Variants in ARHGAP22 observed in about 807,000 individuals in gnomAD.
ARHGAP22 encodes Rho GTPase activating protein 22.
ARHGAP22 carries 48 observed loss-of-function variants against 59.1 expected under a neutral mutation model. The observed-to-expected ratio is 0.81, with a 90% CI of 0.64 to 1.03. ARHGAP22 has a LOEUF of 1.03. Ranked by LOEUF, ARHGAP22 falls within the 50% of genes least tolerant of loss-of-function variation. The pLI, the probability that ARHGAP22 is intolerant of heterozygous loss-of-function variation, is 0.00. For synonymous variants in ARHGAP22, 445 were observed against 416.4 expected, an observed-to-expected ratio of 1.07 and a Z score of -0.84; for missense variants, 1,015 against 958.7, an observed-to-expected ratio of 1.06 and a Z score of -0.78.
At chr10:48,460,876 A>T (rs1390591317) in intron 4 of ARHGAP22, among the ~76,000 whole-genome samples, 1 of 152,266 alleles carries the variant, frequency 6.6e-6, no homozygotes, top group Non-Finnish European at 1.5e-5. Flanking sequence ...GAAGTAAATC[A>T]TTCACAAAAG....
At chr10:48,457,358 C>A (rs917448206) in intron 5 of ARHGAP22, among the ~76,000 whole-genome samples, 1 of 152,190 alleles carries the variant, frequency 6.6e-6, no homozygotes, top group Non-Finnish European at 1.5e-5. Flanking sequence ...AGCAGCCCAG[C>A]CCTGCCATCT....
At position 48,590,893 on chromosome 10, in the gene ARHGAP22, A is replaced by C. The variant is rs187958216; in HGVS notation, c.35-7741T>G. On this transcript the variant is annotated intron_variant, in intron 1 of 9. Coordinates refer to ENST00000249601, the MANE Select transcript of ARHGAP22 (RefSeq NM_021226.4). ...TGGGCAGTGGAAGGGATGGACGTTC[A>C]CAAGAGCCTGTGACTGCCAGAGCTA... 8.5e-5 allele frequency among the ~76,000 whole-genome samples: 13 copies of C among 152,298 alleles called. No individual in the cohort carries two copies. The East Asian group carries it at 2.5e-3, about 29-fold the overall frequency.
Position 48,450,621 on chromosome 10 carries a change from C to T in ARHGAP22, c.1508G>A (p.Gly503Asp). The T allele has an allele frequency of 1.3e-6, 2 of 1,548,852 alleles. No individual in the cohort carries two copies. The highest frequency in any genetic ancestry group is 1.7e-6 in the Non-Finnish European group (2 of 1,146,858). ...DNVPAPGLVP[G>D]IPSVASMAWS... ...CGCCATACTGGCCACGCTGGGTATG[C>T]CGGGGACCAGGCCCGGCGCGGGCAC... Residue 503 changes from glycine to aspartate, a missense_variant, in exon 9 of 10, where the codon GGC (glycine) becomes GAC (aspartate). Coordinates refer to ENST00000249601, the MANE Select transcript of ARHGAP22 (RefSeq NM_021226.4).
chr10:48,585,097 G>A (rs1349833522), intron 1 of ARHGAP22, among the ~76,000 whole-genome samples: 1 of 152,168 alleles, frequency 6.6e-6, no homozygotes, highest in Non-Finnish European at 1.5e-5. Flanking sequence ...AGCTGAGGCA[G>A]GGCTTGGAAC....
chr10:48,542,594 G>T (rs2056064793), intron 3 of ARHGAP22, among the ~76,000 whole-genome samples: 1 of 152,176 alleles, frequency 6.6e-6, no homozygotes. Context: ...CTGCCCAGTG[G>T]CTATTGCTGT....
At chr10:48,464,022 C>T (rs530049555) in intron 4 of ARHGAP22, among the ~76,000 whole-genome samples, 8 of 152,316 alleles carry the variant, frequency 5.3e-5, no homozygotes, top group Non-Finnish European at 1.0e-4. Context: ...GGCTCCAGCC[C>T]GGCCTGCTGT....
chr10:48,593,541 A>G (rs992468346), intron 1 of ARHGAP22, among the ~76,000 whole-genome samples: 3 of 152,260 alleles, frequency 2.0e-5, no homozygotes, highest in African/African-American at 7.2e-5. Context: ...GGTTACTGGA[A>G]GACAAACACT....
the ARHGAP22 span, among the ~76,000 whole-genome samples, chr10:48,432,608 G>A: frequency 2.0e-5 from 3 of 152,162 alleles, no homozygotes; most frequent in Non-Finnish European, 4.4e-5. Flanking sequence ...GGAGGCTCAG[G>A]TGGGATTTGA....
chr10:48,446,992 T>C (rs1016444778), intron 9 of ARHGAP22, among the ~76,000 whole-genome samples: 1 of 152,054 alleles, frequency 6.6e-6, no homozygotes, highest in Non-Finnish European at 1.5e-5. Flanking sequence ...TGGCCTTTGC[T>C]CCTGTGCTGT....
At chr10:48,646,715 A>G (rs1589312083) in intron 1 of ARHGAP22, among the ~76,000 whole-genome samples, 1 of 152,224 alleles carries the variant, frequency 6.6e-6, no homozygotes, top group Admixed American at 6.5e-5. Context: ...TGTACCTCAT[A>G]CTATATACAA....
At chr10:48,482,779 A>G (rs1450903047) in intron 3 of ARHGAP22, among the ~76,000 whole-genome samples, 1 of 152,190 alleles carries the variant, frequency 6.6e-6, no homozygotes, top group African/African-American at 2.4e-5. Context: ...TATTATTCCT[A>G]TGTGTTGGGA....
chr10:48,606,144 C>T (rs1393391387), upstream of ARHGAP22, among the ~76,000 whole-genome samples: 5 of 152,126 alleles, frequency 3.3e-5, no homozygotes, highest in African/African-American at 4.8e-5. Flanking sequence ...TGAACAATGC[C>T]CTCCCCTGCT....
intron 2 of ARHGAP22, among the ~76,000 whole-genome samples, chr10:48,561,695 T>C (rs1214778585): frequency 2.0e-5 from 3 of 152,184 alleles, no homozygotes; most frequent in African/African-American, 7.2e-5. Flanking sequence ...AGATAATTAC[T>C]ATAGAAGATA....
rs144379546 is a variant in ARHGAP22 at position 48,460,355 on chromosome 10, T to C, written c.452-464A>G. Among the ~76,000 whole-genome samples, 322 of 152,266 alleles carry C rather than the reference T, an allele frequency of 2.1e-3. 2 individuals are homozygous for C. The highest frequency in any genetic ancestry group is 0.01 in the Middle Eastern group (3 of 294). ...AGCTCACTGGACAAGACAGATGACA[T>C]AGTAATGTGAAAACCATAGTCGTGA... On this transcript the variant is annotated intron_variant, in intron 4 of 9. Transcript: ENST00000249601.
At chr10:48,592,115 A>G (rs1376320291) in intron 1 of ARHGAP22, among the ~76,000 whole-genome samples, 1 of 152,208 alleles carries the variant, frequency 6.6e-6, no homozygotes, top group Non-Finnish European at 1.5e-5. Context: ...ATACAAGCTA[A>G]CATGGTTAGC....
chr10:48,653,769 G>A (rs758005039), upstream of ARHGAP22, among the ~76,000 whole-genome samples: 3 of 152,188 alleles, frequency 2.0e-5, no homozygotes, highest in Non-Finnish European at 4.4e-5. Flanking sequence ...GGTGTACAGG[G>A]GGCTTTGGAA....
intron 1 of ARHGAP22, among the ~76,000 whole-genome samples, chr10:48,591,223 G>A (rs1181213418): frequency 6.6e-6 from 1 of 152,204 alleles, no homozygotes; most frequent in Non-Finnish European, 1.5e-5. Flanking sequence ...AGCCTGAGAT[G>A]AAAACACGTT....
chr10:48,443,659 C>T (rs2045255445), downstream of ARHGAP22, among the ~76,000 whole-genome samples: 1 of 152,036 alleles, frequency 6.6e-6, no homozygotes, highest in East Asian at 1.9e-4. Context: ...GAGGGCTCTG[C>T]AGGGGCCTGG....
At chr10:48,587,256 C>T (rs1291871889) in intron 1 of ARHGAP22, among the ~76,000 whole-genome samples, 2 of 152,196 alleles carry the variant, frequency 1.3e-5, no homozygotes, top group East Asian at 1.9e-4. Flanking sequence ...CTCACCAGTC[C>T]CTTTCCAGGG....
Sources: gnomAD v4.1 joint callset for allele counts (sites outside exome capture counted in the v4.1 genomes callset) on GRCh38, gnomAD v4.1.1 for gene constraint, MANE v1.5 for transcripts, NCBI Gene and HGNC (gene_info 2026-07-23, HGNC 2026-07-21) for gene names.